The following LPA variants were observed in gnomAD, a reference collection of about 807,000 sequenced individuals.
The protein encoded by LPA is apolipoprotein(a).
LPA carries 199 observed loss-of-function variants against 197.9 expected under a neutral mutation model. The observed-to-expected ratio is 1.01, with a 90% CI of 0.90 to 1.13. The LOEUF (loss-of-function observed/expected upper bound fraction) is 1.13, where lower values mean the gene tolerates loss of function less well. LPA is among the 50% of genes most tolerant of loss of function. The probability of loss-of-function intolerance (pLI) is 0.00; values close to 1 mark genes in which losing one functional copy is unlikely to be tolerated. For missense variants in LPA, 1,853 were observed against 1,785.8 expected (o/e 1.04, Z -0.68); for synonymous variants, 715 against 639.5 (o/e 1.12, Z -1.78).
intron 1 of LPA, among the ~76,000 whole-genome samples, chr6:160,662,503 G>A (rs1363160200): frequency 6.6e-6 from 1 of 152,146 alleles, no homozygotes; most frequent in East Asian, 1.9e-4. Flanking sequence ...GCTTATCAGA[G>A]AATGTGCCCC....
In LPA at chr6:160,590,944, C is replaced by T. The variant is rs1310505482; in HGVS notation, c.3787G>A (p.Ala1263Thr). ...LATSTAVSEQ[A>T]PTEQSPTVQD... ...GGTTGTCTGGCCAGAGACTTCTTACCTTGTTCAGAAACAGCCGTGGACGTC... is the reference window on the plus strand; with the variant it reads ...GGTTGTCTGGCCAGAGACTTCTTACTTTGTTCAGAAACAGCCGTGGACGTC... Residue 1263 changes from alanine to threonine, a missense_variant and splice_region_variant, in exon 23 of 39, where the codon GCA (alanine) becomes ACA (threonine). Physicochemically the swap from Ala to Thr is moderately conservative, Grantham distance 58. This residue lies in a region of LPA where 1,737 missense variants were observed against 1,504.4 expected (regional missense o/e 1.15). Coordinates refer to ENST00000316300, the MANE Select transcript of LPA (RefSeq NM_005577.4). 1 of 1,613,890 alleles carries T rather than the reference C, an allele frequency of 6.2e-7. No homozygotes were observed. The highest frequency in any genetic ancestry group is 8.5e-7 in the Non-Finnish European group (1 of 1,179,860).
intron 29 of LPA, among the ~76,000 whole-genome samples, chr6:160,556,662 G>C (rs543216993): frequency 5.3e-5 from 8 of 152,244 alleles, no homozygotes; most frequent in South Asian, 4.1e-4. Context: ...CTAGTACTTG[G>C]AGGCAAAGAC....
chr6:160,591,176 G>C (rs1011841894), intron 22 of LPA, 75 bp from the exon 23 acceptor site: 1 of 1,580,486 alleles, frequency 6.3e-7, no homozygotes, highest in Non-Finnish European at 8.6e-7. Context: ...TCTACATTTT[G>C]TTGTAACAAA....
chr6:160,576,394 A>ATATACATATATATATATATGTG (rs1778672725), intron 28 of LPA, among the ~76,000 whole-genome samples: 1 of 53,754 alleles, frequency 1.9e-5, no homozygotes, highest in African/African-American at 4.1e-5. Flanking sequence ...ATATATGTAT[A>ATATACATATATATATATATGTG]TATATATATA....
chr6:160,544,813 TG>T (rs1471934513), intron 33 of LPA, among the ~76,000 whole-genome samples: 2 of 152,190 alleles, frequency 1.3e-5, no homozygotes, highest in East Asian at 3.9e-4. Flanking sequence ...TAAGATCTAA[TG>T]TCAATTCCCC....
chr6:160,610,722 CTG>C (rs1393396309), intron 16 of LPA, among the ~76,000 whole-genome samples: 233 of 152,286 alleles, frequency 1.5e-3, no homozygotes, highest in Non-Finnish European at 1.9e-3. Flanking sequence ...TCCCTCTCCT[CTG>C]CTCAGCTAGA....
At chr6:160,564,899 T>C (rs1778424106) in intron 28 of LPA, among the ~76,000 whole-genome samples, 2 of 152,158 alleles carry the variant, frequency 1.3e-5, no homozygotes, top group Non-Finnish European at 2.9e-5. Flanking sequence ...TGCTCACTGC[T>C]AGTACAGCAG....
In LPA at chr6:160,664,167, T is replaced by A. The variant is rs1780270897; in HGVS notation, c.48A>T (p.Ser16=). 6.2e-7 allele frequency: 1 copy of A among 1,603,238 alleles called. No homozygotes were observed. The highest frequency in any genetic ancestry group is 8.5e-7 in the Non-Finnish European group (1 of 1,174,698). ...VVLLLLLFLK[S]AAPEQSHVVQ... ...TAATTTAAAAAAACTATGTCTTACC[T>A]GATTTCAGAAATAAAAGAAGTAGAA... Residue 16 remains serine (S), a splice_region_variant and synonymous_variant, in exon 1 of 39, where the codon TCA becomes TCT. Coordinates refer to ENST00000316300, the MANE Select transcript of LPA (RefSeq NM_005577.4).
intron 30 of LPA, among the ~76,000 whole-genome samples, chr6:160,549,324 G>A (rs892973575): frequency 2.2e-4 from 33 of 152,150 alleles, no homozygotes; most frequent in African/African-American, 7.7e-4. Flanking sequence ...GCAAAAGAAA[G>A]GAACCAGAAT....
intron 24 of LPA, among the ~76,000 whole-genome samples, chr6:160,588,657 C>T (rs1443983694): frequency 6.6e-6 from 1 of 152,168 alleles, no homozygotes; most frequent in Non-Finnish European, 1.5e-5. Flanking sequence ...CTTTCTTCCA[C>T]AAATCCCTTC....
At chr6:160,650,283 C>A in intron 2 of LPA, 55 bp downstream of exon 2, 1 of 1,595,774 alleles carries the variant, frequency 6.3e-7, no homozygotes. Context: ...CACACCTTTT[C>A]TAAGACAAAT....
chr6:160,533,372 C>T (rs1170944876), intron 37 of LPA, among the ~76,000 whole-genome samples: 2 of 152,182 alleles, frequency 1.3e-5, no homozygotes, highest in East Asian at 1.9e-4. Flanking sequence ...ATCCTCACAA[C>T]GGTCCTATGA....
intron 32 of LPA, among the ~76,000 whole-genome samples, chr6:160,547,115 C>G (rs1357231731): frequency 6.6e-6 from 1 of 152,106 alleles, no homozygotes; most frequent in Non-Finnish European, 1.5e-5. Flanking sequence ...ATTTATCGTG[C>G]ACTTTATTTC....
chr6:160,596,696 TC>T lies in LPA; in HGVS notation c.3288-1162del, dbSNP rs41271020. 3.8e-3 allele frequency among the ~76,000 whole-genome samples: 586 copies of T among 152,294 alleles called. 5 individuals carry two copies. The highest frequency in any genetic ancestry group is 0.013 in the African/African-American group (561 of 41,580). On this transcript the variant is annotated intron_variant, in intron 20 of 38. Transcript: ENST00000316300. The stretch of plus-strand genomic sequence containing the variant: ...GCATCTTACTTTTCACGTAGCAAAG[TC>T]CTTTAACCTCATGGACTGTCTCTGA...
chr6:160,570,926 G>C (rs1314900609), intron 28 of LPA, among the ~76,000 whole-genome samples: 1 of 152,258 alleles, frequency 6.6e-6, no homozygotes, highest in East Asian at 1.9e-4. Context: ...TGTCTTGCTA[G>C]GTTGGGGAAG....
chr6:160,536,903 C>T (rs1434559254), intron 37 of LPA, among the ~76,000 whole-genome samples: 6 of 152,136 alleles, frequency 3.9e-5, no homozygotes, highest in African/African-American at 1.4e-4. Context: ...AACATTTTAT[C>T]AAATCAAAGC....
chr6:160,611,400 T>A (rs1216806231), intron 16 of LPA, among the ~76,000 whole-genome samples, 162 bp downstream of exon 16: 1 of 152,070 alleles, frequency 6.6e-6, no homozygotes, highest in Non-Finnish European at 1.5e-5. Context: ...ACATTTCTCT[T>A]CTCTCAGACC....
At chr6:160,596,662 G>T (rs776247567) in intron 20 of LPA, among the ~76,000 whole-genome samples, 41 of 152,208 alleles carry the variant, frequency 2.7e-4, no homozygotes, top group East Asian at 3.9e-4. Context: ...AAAGTAAAAA[G>T]GGCCAATAGC....
chr6:160,586,552 T>A lies in LPA; in HGVS notation c.4026A>T (p.Arg1342Ser), dbSNP rs778923400. The stretch of plus-strand genomic sequence containing the variant: ...ATTGCGTCAGGTTGCAGTACTCCCA[T>A]CTGACACTGGGATCCATGGTATAAC... ...PWCYTMDPSV[R>S]WEYCNLTQCP... is the part of the protein sequence containing the mutation. Residue 1342 changes from arginine to serine, a missense_variant, in exon 25 of 39, where the codon AGA (arginine) becomes AGT (serine). By Grantham distance (110) the Arg-to-Ser change is moderately radical. This residue lies in a region of LPA where 1,737 missense variants were observed against 1,504.4 expected (regional missense o/e 1.15). Transcript: ENST00000316300. 12 of 1,613,816 alleles carry A rather than the reference T, an allele frequency of 7.4e-6. No individual in the cohort carries two copies. Among genetic ancestry groups the A allele is most frequent in the Admixed American group, 3.3e-5 (2 of 59,986 alleles).
Sources: allele counts gnomAD v4.1 joint callset (sites outside exome capture counted in the v4.1 genomes callset), GRCh38; gene constraint gnomAD v4.1.1; regional missense constraint gnomAD v4.1.1; transcripts MANE v1.5; gene names NCBI Gene and HGNC (gene_info 2026-07-23, HGNC 2026-07-21).